FSTL4: variants seen among roughly 807,000 people sequenced by gnomAD.
The protein encoded by FSTL4 is follistatin-related protein 4.
In FSTL4, 28 loss-of-function variants were observed where a neutral mutation model predicts 78.2. That is an observed-to-expected ratio of 0.36 (90% confidence interval 0.27 to 0.49). The LOEUF (loss-of-function observed/expected upper bound fraction) is 0.49, where lower values mean the gene tolerates loss of function less well. Ranked by LOEUF, FSTL4 falls within the 20% of genes least tolerant of loss-of-function variation. The pLI, the probability that FSTL4 is intolerant of heterozygous loss-of-function variation, is 0.98. For missense variants in FSTL4, 922 were observed against 1,084.9 expected (o/e 0.85, Z 2.11); for synonymous variants, 422 against 440.5 (o/e 0.96, Z 0.53).
chr5:133,536,765 T>A (rs1373544956), intron 3 of FSTL4, among the ~76,000 whole-genome samples: 1 of 152,184 alleles, frequency 6.6e-6, no homozygotes, highest in Non-Finnish European at 1.5e-5. Context: ...ACTCTGGGTA[T>A]AGTATTCCAG....
At chr5:133,432,305 A>G (rs540793430) in intron 3 of FSTL4, among the ~76,000 whole-genome samples, 1 of 152,362 alleles carries the variant, frequency 6.6e-6, no homozygotes, top group South Asian at 2.1e-4. Context: ...CTCTCTAAAC[A>G]TTAGCTAATG....
chr5:133,514,283 CAA>C (rs1207285139), intron 3 of FSTL4, among the ~76,000 whole-genome samples: 1 of 151,106 alleles, frequency 6.6e-6, no homozygotes, highest in Non-Finnish European at 1.5e-5. Flanking sequence ...GATGAAGAAA[CAA>C]GAGGGTGAAT....
the FSTL4 span, among the ~76,000 whole-genome samples, chr5:133,667,619 G>A: frequency 6.6e-6 from 1 of 152,192 alleles, no homozygotes; most frequent in East Asian, 1.9e-4. Flanking sequence ...CTGCCCAGAA[G>A]GCTCCTCTTC....
At chr5:133,376,099 T>C (rs1311622785) in intron 4 of FSTL4, among the ~76,000 whole-genome samples, 1 of 152,328 alleles carries the variant, frequency 6.6e-6, no homozygotes, top group East Asian at 1.9e-4. Flanking sequence ...TATAAACATA[T>C]ACAAAGTCCT....
chr5:133,675,130 C>G, the FSTL4 span, among the ~76,000 whole-genome samples: 10 of 152,028 alleles, frequency 6.6e-5, no homozygotes, highest in Admixed American at 6.5e-4. Context: ...ATGAAGGCCT[C>G]TCCGAGAAAA....
chr5:133,373,234 C>T (rs112077564), intron 4 of FSTL4, among the ~76,000 whole-genome samples: 348 of 152,308 alleles, frequency 2.3e-3, no homozygotes, highest in Non-Finnish European at 3.8e-3. Context: ...GGAAGGCCTG[C>T]GGCTATTACG....
chr5:133,833,996 A>G, the FSTL4 span, among the ~76,000 whole-genome samples: 1 of 152,232 alleles, frequency 6.6e-6, no homozygotes, highest in African/African-American at 2.4e-5. Context: ...GAATTAATCT[A>G]GAATGACCTG....
intron 4 of FSTL4, among the ~76,000 whole-genome samples, chr5:133,385,738 G>A (rs1041977851): frequency 6.6e-6 from 1 of 152,190 alleles, no homozygotes; most frequent in South Asian, 2.1e-4. Context: ...CATAGACAGT[G>A]TGGCATAGTA....
chr5:133,367,504 A>G (rs1561688667), intron 4 of FSTL4, among the ~76,000 whole-genome samples: 1 of 152,196 alleles, frequency 6.6e-6, no homozygotes, highest in South Asian at 2.1e-4. Flanking sequence ...TTCCTTTCCA[A>G]TTAGACCCTG....
chr5:133,775,620 A>G, the FSTL4 span, among the ~76,000 whole-genome samples: 1 of 152,246 alleles, frequency 6.6e-6, no homozygotes, highest in Non-Finnish European at 1.5e-5. Flanking sequence ...AATGATATTT[A>G]TAAGATCAAG....
At chr5:133,731,670 C>T in the FSTL4 span, among the ~76,000 whole-genome samples, 6 of 151,942 alleles carry the variant, frequency 3.9e-5, no homozygotes, top group South Asian at 2.1e-4. Flanking sequence ...TTGAAAGTAG[C>T]AATAAACAAA....
At chr5:133,472,928 C>T (rs1044213306) in intron 3 of FSTL4, among the ~76,000 whole-genome samples, 1 of 152,230 alleles carries the variant, frequency 6.6e-6, no homozygotes, top group Non-Finnish European at 1.5e-5. Flanking sequence ...TCCCACTGTG[C>T]CCTGACTCTT....
intron 8 of FSTL4, among the ~76,000 whole-genome samples, chr5:133,227,156 A>C (rs1751358425): frequency 6.6e-6 from 1 of 152,236 alleles, no homozygotes; most frequent in Non-Finnish European, 1.5e-5. Flanking sequence ...ACATGAGCTC[A>C]GGGCACCCAA....
chr5:133,783,874 C>T, the FSTL4 span, among the ~76,000 whole-genome samples: 2,610 of 151,914 alleles, frequency 0.017, 50 homozygotes, highest in East Asian at 0.077. Flanking sequence ...CCACTGCCCC[C>T]GCCCACCCCC....
chr5:133,344,533 A>G (rs115792097), intron 4 of FSTL4, among the ~76,000 whole-genome samples: 266 of 152,308 alleles, frequency 1.7e-3, no homozygotes, highest in African/African-American at 6.2e-3. Flanking sequence ...TCATAGTTAA[A>G]TTGTTCTCTT....
At chr5:133,322,245 ACACC>A (rs879751790) in intron 4 of FSTL4, among the ~76,000 whole-genome samples, 2,471 of 112,528 alleles carry the variant, frequency 0.022, 74 homozygotes, top group African/African-American at 0.095. Context: ...ACACACCCCC[ACACC>A]CACCCACACC....
At chr5:133,663,926 G>A in the FSTL4 span, among the ~76,000 whole-genome samples, 1 of 152,240 alleles carries the variant, frequency 6.6e-6, no homozygotes, top group East Asian at 1.9e-4. Context: ...AGCCTGGAGA[G>A]CCAGTGTGGG....
the FSTL4 span, among the ~76,000 whole-genome samples, chr5:133,727,152 A>G: frequency 6.6e-6 from 1 of 152,194 alleles, no homozygotes; most frequent in Non-Finnish European, 1.5e-5. Flanking sequence ...AGACCAATCA[A>G]TGTTCAGAAG....
intron 3 of FSTL4, among the ~76,000 whole-genome samples, chr5:133,539,201 T>C (rs1396959716): frequency 6.6e-6 from 1 of 152,198 alleles, no homozygotes; most frequent in Non-Finnish European, 1.5e-5. Context: ...TATAAGGATA[T>C]GCGTGATGAG....
Sources: gnomAD v4.1 joint callset for allele counts (sites outside exome capture counted in the v4.1 genomes callset) on GRCh38, gnomAD v4.1.1 for gene constraint, MANE v1.5 for transcripts, NCBI Gene and HGNC (gene_info 2026-07-23, HGNC 2026-07-21) for gene names.